The following MTSS1 variants were observed in gnomAD, a reference collection of about 807,000 sequenced individuals.
The protein encoded by MTSS1 is protein MTSS 1.
In MTSS1, 18 loss-of-function variants were observed where a neutral mutation model predicts 79.0. The observed-to-expected ratio is 0.23, with a 90% CI of 0.16 to 0.34. The LOEUF (loss-of-function observed/expected upper bound fraction) is 0.34. Among genes scored for constraint, MTSS1 ranks in the 10% least tolerant of loss-of-function variants. MTSS1 has a pLI of 1.00. For synonymous variants in MTSS1, 341 were observed against 368.6 expected (o/e 0.93, Z 0.86); for missense variants, 815 against 986.2 (o/e 0.83, Z 2.33).
At chr8:124,715,259 T>C (rs1248391831) in intron 1 of MTSS1, among the ~76,000 whole-genome samples, 1 of 152,228 alleles carries the variant, frequency 6.6e-6, no homozygotes, top group Non-Finnish European at 1.5e-5. Context: ...GAGAGGATCA[T>C]GTTTGAGGTT....
intron 1 of MTSS1, among the ~76,000 whole-genome samples, chr8:124,709,440 C>T (rs548312706): frequency 1.6e-4 from 25 of 152,178 alleles, no homozygotes; most frequent in Admixed American, 1.1e-3. Flanking sequence ...GGCTTCACAA[C>T]GTTCCAGACA....
At chr8:124,571,798 T>C (rs1485348520) in intron 6 of MTSS1, among the ~76,000 whole-genome samples, 1 of 152,206 alleles carries the variant, frequency 6.6e-6, no homozygotes, top group African/African-American at 2.4e-5. Flanking sequence ...ACCCCGTCTC[T>C]ACTAAAAGTA....
chr8:124,629,775 A>T (rs1313916504), intron 3 of MTSS1, among the ~76,000 whole-genome samples: 2 of 152,188 alleles, frequency 1.3e-5, no homozygotes, highest in Non-Finnish European at 2.9e-5. Context: ...TCTCTCCCAG[A>T]CACCACACCA....
chr8:124,704,710 T>G lies in MTSS1; in HGVS notation c.73-519A>C, dbSNP rs142882096. ...GCTTAAGCCCAACACCTAGGGACAG[T>G]ATAGCAACAGGTGGTTCCCCAACAC... On this transcript the variant is annotated intron_variant, in intron 1 of 13. Transcript: ENST00000518547. 2.5e-4 allele frequency among the ~76,000 whole-genome samples: 38 copies of G among 152,298 alleles called. 1 individual carries two copies. The highest frequency in any genetic ancestry group is 8.7e-4 in the African/African-American group (36 of 41,556).
chr8:124,701,546 G>T (rs547151050), intron 2 of MTSS1, among the ~76,000 whole-genome samples: 1 of 152,238 alleles, frequency 6.6e-6, no homozygotes, highest in Non-Finnish European at 1.5e-5. Flanking sequence ...CAAACTTCTT[G>T]GGACTTATAA....
At chr8:124,639,294 C>T (rs1277197135) in intron 3 of MTSS1, among the ~76,000 whole-genome samples, 2 of 152,156 alleles carry the variant, frequency 1.3e-5, no homozygotes, top group East Asian at 1.9e-4. Context: ...GCCAAGATCA[C>T]GCCACTGCAC....
intron 3 of MTSS1, among the ~76,000 whole-genome samples, chr8:124,598,778 TA>T (rs1245061296): frequency 1.3e-5 from 2 of 152,194 alleles, no homozygotes; most frequent in Admixed American, 6.5e-5. Flanking sequence ...TTAATTCAAC[TA>T]GGGGCAGCTT....
rs147755193 is a variant in MTSS1 at position 124,648,570 on chromosome 8, A to T, written c.208+50956T>A. 2.8e-3 allele frequency among the ~76,000 whole-genome samples: 423 copies of T among 152,148 alleles called. 1 individual carries two copies. Among genetic ancestry groups the T allele is most frequent in the African/African-American group, 9.7e-3 (402 of 41,496 alleles). Reference sequence around the variant, plus strand: ...TAAAAGGGAGCCCTATTTCCCAGAGATATATTACCTTGGAAAGGCTTGGGG... The same window carrying T: ...TAAAAGGGAGCCCTATTTCCCAGAGTTATATTACCTTGGAAAGGCTTGGGG... On this transcript the variant is annotated intron_variant, in intron 3 of 13. Transcript: ENST00000518547.
intron 3 of MTSS1, among the ~76,000 whole-genome samples, chr8:124,602,499 C>T (rs1834113842): frequency 6.6e-6 from 1 of 152,046 alleles, no homozygotes; most frequent in Non-Finnish European, 1.5e-5. Context: ...CATGCCCGGC[C>T]TCATAATGGT....
intron 3 of MTSS1, among the ~76,000 whole-genome samples, chr8:124,686,333 C>CAA (rs934313113): frequency 2.1e-5 from 3 of 143,732 alleles, no homozygotes; most frequent in Admixed American, 2.1e-4. Flanking sequence ...CTTCTGAAAA[C>CAA]AAAAAAAAAA....
intron 3 of MTSS1, among the ~76,000 whole-genome samples, chr8:124,656,027 A>C (rs1563941970): frequency 6.6e-6 from 1 of 152,238 alleles, no homozygotes; most frequent in Non-Finnish European, 1.5e-5. Flanking sequence ...TGAACTTGGA[A>C]TGATATAATC....
chr8:124,724,871 T>G (rs1833457524), intron 1 of MTSS1, among the ~76,000 whole-genome samples: 1 of 152,192 alleles, frequency 6.6e-6, no homozygotes, highest in African/African-American at 2.4e-5. Context: ...ACTTCCAGAC[T>G]ACTGTTCCCC....
chr8:124,550,863 T>G lies in MTSS1; in HGVS notation c.*2129A>C, dbSNP rs1056066396. ...TGTAGGAGGGAGACACATTACACAA[T>G]TGTTATTTATACAAGTTTAGAACAA... On this transcript the variant is annotated 3_prime_UTR_variant, in exon 14 of 14. Transcript: ENST00000518547. 6 of 152,618 alleles carry G rather than the reference T, an allele frequency of 3.9e-5. No individual in the cohort carries two copies. Among genetic ancestry groups the G allele is most frequent in the Non-Finnish European group, 8.8e-5 (6 of 68,038 alleles). The allele number at this position is 152,618 out of a possible 1,614,324, so 9.5% of individuals were successfully genotyped here.
intron 3 of MTSS1, among the ~76,000 whole-genome samples, chr8:124,646,356 T>C (rs1315978026): frequency 6.6e-6 from 1 of 152,194 alleles, no homozygotes; most frequent in African/African-American, 2.4e-5. Flanking sequence ...TCTTGGTAAA[T>C]AAATGACCAT....
intron 13 of MTSS1, among the ~76,000 whole-genome samples, chr8:124,554,818 G>GTTAT (rs772504941): frequency 2.0e-5 from 3 of 152,196 alleles, no homozygotes; most frequent in Non-Finnish European, 4.4e-5. Context: ...TAACCATAAA[G>GTTAT]TGTGTAGTGC....
chr8:124,674,057 A>G (rs1260338620), intron 3 of MTSS1, among the ~76,000 whole-genome samples: 1 of 152,208 alleles, frequency 6.6e-6, no homozygotes, highest in Non-Finnish European at 1.5e-5. Context: ...CGGAGGGCAC[A>G]AGGCTCTTCC....
intron 3 of MTSS1, among the ~76,000 whole-genome samples, chr8:124,688,503 C>T (rs1827399672): frequency 6.6e-6 from 1 of 152,054 alleles, no homozygotes; most frequent in East Asian, 1.9e-4. Flanking sequence ...TCAAATGAAA[C>T]AAATGATTAA....
intron 5 of MTSS1, among the ~76,000 whole-genome samples, chr8:124,588,489 A>G (rs1831261118): frequency 6.6e-6 from 1 of 152,156 alleles, no homozygotes; most frequent in Non-Finnish European, 1.5e-5. Flanking sequence ...CATCAGTGCT[A>G]TTTGCTGTGC....
chr8:124,705,675 A>G (rs954986573), intron 1 of MTSS1, among the ~76,000 whole-genome samples: 2 of 152,208 alleles, frequency 1.3e-5, no homozygotes, highest in South Asian at 2.1e-4. Context: ...CAGAAGCCCA[A>G]TTAAAACTGT....
Sources: gnomAD v4.1 joint callset for allele counts (sites outside exome capture counted in the v4.1 genomes callset) on GRCh38, gnomAD v4.1.1 for gene constraint, MANE v1.5 for transcripts, NCBI Gene and HGNC (gene_info 2026-07-23, HGNC 2026-07-21) for gene names.